DOCK2: variants seen among roughly 807,000 people sequenced by gnomAD.
DOCK2 encodes dedicator of cytokinesis 2, also known as dedicator of cytokinesis protein 2.
Under a neutral mutation model 248.9 loss-of-function variants are expected in DOCK2, and 87 were observed. The ratio of observed to expected loss-of-function variants is 0.35; its 90% CI spans 0.29 to 0.42. The LOEUF is 0.42. Ranked by LOEUF, DOCK2 falls within the 10% of genes least tolerant of loss-of-function variation. The pLI, the probability that DOCK2 is intolerant of heterozygous loss-of-function variation, is 1.00. For missense variants in DOCK2, 1,747 were observed against 2,300.2 expected, an observed-to-expected ratio of 0.76 and a Z score of 4.92; for synonymous variants, 805 against 821.6, an observed-to-expected ratio of 0.98 and a Z score of 0.35.
intron 6 of DOCK2, among the ~76,000 whole-genome samples, chr5:169,680,721 A>G (rs970922157): frequency 6.6e-6 from 1 of 151,738 alleles, no homozygotes; most frequent in Non-Finnish European, 1.5e-5. Context: ...ACCCTGACTC[A>G]TTAAAAAAAA....
intron 34 of DOCK2, among the ~76,000 whole-genome samples, chr5:170,033,852 A>T (rs1756229896): frequency 6.6e-6 from 1 of 152,248 alleles, no homozygotes; most frequent in South Asian, 2.1e-4. Context: ...ATGCCCAGAC[A>T]TATTGAATCT....
intron 22 of DOCK2, among the ~76,000 whole-genome samples, chr5:169,721,588 T>C (rs186826920): frequency 1.3e-5 from 2 of 152,350 alleles, no homozygotes; most frequent in East Asian, 3.9e-4. Context: ...TTGGGGCTAA[T>C]TGTATCTGGT....
intron 43 of DOCK2, 185 bp from the exon 44 acceptor site, chr5:170,057,395 G>T: frequency 1.5e-6 from 1 of 659,128 alleles, no homozygotes; most frequent in Non-Finnish European, 2.8e-6. Context: ...TACACTTAAT[G>T]TTGGGAAAGA....
intron 27 of DOCK2, among the ~76,000 whole-genome samples, chr5:169,969,675 A>C (rs1218326734): frequency 6.6e-6 from 1 of 152,176 alleles, no homozygotes; most frequent in Admixed American, 6.5e-5. Flanking sequence ...TACAGGGTCC[A>C]GGCAGATAAC....
Position 169,653,289 on chromosome 5 carries a change from C to G in DOCK2, c.44-1114C>G, listed in dbSNP as rs182065671. Reference sequence around the variant, plus strand: ...TTAGTTCCTCTTTAGGAATAATAACCTTTTTACAGTGGTATCTTCTTATCT... The same window carrying G: ...TTAGTTCCTCTTTAGGAATAATAACGTTTTTACAGTGGTATCTTCTTATCT... On this transcript the variant is annotated intron_variant, in intron 1 of 51. Transcript: ENST00000520908. Among the ~76,000 whole-genome samples the G allele has an allele frequency of 3.9e-5, 6 of 152,266 alleles. No individual in the cohort carries two copies. The East Asian group carries it at 1.2e-3, about 29-fold the overall frequency.
At chr5:170,008,353 C>A in intron 30 of DOCK2, 144 bp from the exon 31 acceptor site, 2 of 778,936 alleles carry the variant, frequency 2.6e-6, no homozygotes, top group East Asian at 2.6e-5. Context: ...AGAGTCAGTG[C>A]CAGTTAGAAA....
At chr5:169,707,411 T>G (rs1761330833) in intron 14 of DOCK2, among the ~76,000 whole-genome samples, 1 of 152,218 alleles carries the variant, frequency 6.6e-6, no homozygotes, top group South Asian at 2.1e-4. Flanking sequence ...CCAACAAATC[T>G]TCCCTGATTC....
Position 169,832,832 on chromosome 5 carries a change from A to G in DOCK2, c.2704-7925A>G, listed in dbSNP as rs973260813. On this transcript the variant is annotated intron_variant, in intron 26 of 51. Transcript: ENST00000520908. ...GATTGCTGCTGTTTTCACTGTAAGAATATACATTCTTTCTCTTTTGCTTAA... is the reference window on the plus strand; with the variant it reads ...GATTGCTGCTGTTTTCACTGTAAGAGTATACATTCTTTCTCTTTTGCTTAA... 3.3e-5 allele frequency among the ~76,000 whole-genome samples: 5 copies of G among 151,986 alleles called. No individual in the cohort carries two copies. The Admixed American group carries it at 3.3e-4, about 10-fold the overall frequency.
intron 27 of DOCK2, among the ~76,000 whole-genome samples, chr5:169,909,297 G>A (rs927166828): frequency 6.6e-6 from 1 of 152,190 alleles, no homozygotes; most frequent in Non-Finnish European, 1.5e-5. Context: ...AGTGTTGCTG[G>A]TGGCTACCAT....
intron 25 of DOCK2, among the ~76,000 whole-genome samples, chr5:169,769,368 G>A (rs542877731): frequency 1.3e-5 from 2 of 152,274 alleles, no homozygotes; most frequent in African/African-American, 4.8e-5. Context: ...GGGTCTCAAT[G>A]CCAGGTGAAG....
intron 25 of DOCK2, among the ~76,000 whole-genome samples, chr5:169,790,098 C>T (rs17559722): frequency 0.063 from 9,582 of 152,264 alleles, 407 homozygotes; most frequent in Non-Finnish European, 0.093. Flanking sequence ...GAAACAATTA[C>T]ACAACCATTC....
chr5:169,847,073 T>C (rs185485144), intron 27 of DOCK2, among the ~76,000 whole-genome samples: 117 of 152,304 alleles, frequency 7.7e-4, no homozygotes, highest in African/African-American at 2.7e-3. Flanking sequence ...GGTGCATATA[T>C]CCCACATTAT....
intron 27 of DOCK2, among the ~76,000 whole-genome samples, chr5:169,857,670 T>C (rs1770971167): frequency 6.6e-6 from 1 of 151,934 alleles, no homozygotes; most frequent in South Asian, 2.1e-4. Context: ...AATTGCTCTT[T>C]CTATTCCTCA....
chr5:169,655,290 A>G (rs1300820062), intron 2 of DOCK2, among the ~76,000 whole-genome samples: 1 of 152,114 alleles, frequency 6.6e-6, no homozygotes, highest in African/African-American at 2.4e-5. Context: ...TGCTGCATGG[A>G]GGGCACAGAG....
In DOCK2 at chr5:170,041,349, A is replaced by G. The variant is rs1123609; in HGVS notation, c.3756+204A>G. Among the ~76,000 whole-genome samples, 37 of 152,236 alleles carry G rather than the reference A, an allele frequency of 2.4e-4. 1 individual carries two copies. The Middle Eastern group carries it at 0.01, about 42-fold the overall frequency. On this transcript the variant is annotated intron_variant, in intron 37 of 51. Coordinates refer to ENST00000520908, the MANE Select transcript of DOCK2 (RefSeq NM_004946.3). Reference sequence around the variant, plus strand: ...TTTGAGTGATCTTTACATTTAGCAAAAACAACCCCTCTTCGAGATACATTT... The same window carrying G: ...TTTGAGTGATCTTTACATTTAGCAAGAACAACCCCTCTTCGAGATACATTT...
At chr5:170,072,924 A>C (rs1271815909) in intron 46 of DOCK2, among the ~76,000 whole-genome samples, 1 of 152,192 alleles carries the variant, frequency 6.6e-6, no homozygotes, top group Non-Finnish European at 1.5e-5. Context: ...CTTCTGTCAA[A>C]TATATGTATT....
intron 27 of DOCK2, among the ~76,000 whole-genome samples, chr5:169,940,671 C>T (rs2113704455): frequency 6.6e-6 from 1 of 152,310 alleles, no homozygotes; most frequent in Non-Finnish European, 1.5e-5. Context: ...GCACAGTTCA[C>T]AATAGGGTTT....
intron 36 of DOCK2, among the ~76,000 whole-genome samples, chr5:170,037,284 TTTATATTAC>T: frequency 6.6e-6 from 1 of 151,850 alleles, no homozygotes; most frequent in Admixed American, 6.6e-5. Context: ...CAAAAATGGG[TTTATATTAC>T]TTGTAATTTA....
intron 24 of DOCK2, 34 bp downstream of exon 24, chr5:169,759,809 C>CA: frequency 6.2e-7 from 1 of 1,612,460 alleles, no homozygotes; most frequent in South Asian, 1.1e-5. Flanking sequence ...TTGGGCTCTG[C>CA]TGGCAAGCTA....
Sources: allele counts gnomAD v4.1 joint callset (sites outside exome capture counted in the v4.1 genomes callset), GRCh38; gene constraint gnomAD v4.1.1; transcripts MANE v1.5; gene names NCBI Gene and HGNC (gene_info 2026-07-23, HGNC 2026-07-21).